The following RAPGEF1 variants were observed in gnomAD, a reference collection of about 807,000 sequenced individuals.
RAPGEF1 encodes the protein CRK SH3-binding GNRP.
In RAPGEF1, 33 loss-of-function variants were observed where a neutral mutation model predicts 143.3. That is an observed-to-expected ratio of 0.23 (90% confidence interval 0.17 to 0.31). The LOEUF (loss-of-function observed/expected upper bound fraction) is 0.31, where lower values mean the gene tolerates loss of function less well. RAPGEF1 is among the 10% of genes least tolerant of loss of function. RAPGEF1 has a pLI of 1.00. For synonymous variants in RAPGEF1, 629 were observed against 676.5 expected (o/e 0.93, Z 1.09); for missense variants, 1,199 against 1,645.4 (o/e 0.73, Z 4.69).
At position 131,582,702 on chromosome 9, in the gene RAPGEF1, C is replaced by T; in HGVS notation, c.3415G>A (p.Gly1139Ser). 1 of 1,560,202 alleles carries T rather than the reference C, an allele frequency of 6.4e-7. No homozygotes were observed. Among genetic ancestry groups the T allele is most frequent in the South Asian group, 1.2e-5 (1 of 82,940 alleles). ...ATCAGTGTGCAGTACTCGGCCAGGC[C>T]CTGGCAGGACAGGACAGGACAGGAC... is the stretch of plus-strand genomic sequence containing the variant. ...RLEWQKQTSE[G>S]LAEYCTLIDS... The change falls in exon 25 of 27, where the codon GGC becomes AGC. Residue 1139 changes from glycine to serine, a missense_variant and splice_region_variant. Physicochemically the swap from Gly to Ser is moderately conservative, Grantham distance 56. Coordinates refer to ENST00000683357, the MANE Select transcript of RAPGEF1 (RefSeq NM_001377935.1).
chr9:131,607,877 G>A (rs1957363585), intron 12 of RAPGEF1, among the ~76,000 whole-genome samples: 1 of 152,176 alleles, frequency 6.6e-6, no homozygotes, highest in Non-Finnish European at 1.5e-5. Context: ...ATACACAAAT[G>A]GCTTTTGTGT....
At chr9:131,681,036 T>C (rs1159132937) in intron 1 of RAPGEF1, among the ~76,000 whole-genome samples, 3 of 151,964 alleles carry the variant, frequency 2.0e-5, no homozygotes, top group African/African-American at 4.8e-5. Flanking sequence ...AGGGTAACAA[T>C]AGGACAAGTG....
At chr9:131,721,836 T>C (rs1184258590) in intron 1 of RAPGEF1, among the ~76,000 whole-genome samples, 2 of 152,176 alleles carry the variant, frequency 1.3e-5, no homozygotes, top group Non-Finnish European at 2.9e-5. Context: ...TTGTAAGTAA[T>C]CTAGAGATAA....
At chr9:131,718,371 C>T (rs1836013100) in intron 1 of RAPGEF1, among the ~76,000 whole-genome samples, 1 of 152,170 alleles carries the variant, frequency 6.6e-6, no homozygotes, top group South Asian at 2.1e-4. Context: ...CCCAGGCAAT[C>T]ATAAAGAGGA....
chr9:131,726,164 T>C (rs1020823834), intron 1 of RAPGEF1, among the ~76,000 whole-genome samples: 1 of 152,120 alleles, frequency 6.6e-6, no homozygotes, highest in Non-Finnish European at 1.5e-5. Flanking sequence ...GCAGTTATTA[T>C]GTCAATGCAA....
chr9:131,734,479 G>A (rs571281696), intron 1 of RAPGEF1, among the ~76,000 whole-genome samples: 2 of 152,208 alleles, frequency 1.3e-5, no homozygotes, highest in East Asian at 1.9e-4. Context: ...TCCCTGCCAC[G>A]AGGCATCACT....
intron 12 of RAPGEF1, among the ~76,000 whole-genome samples, chr9:131,611,908 C>T (rs758354028): frequency 4.2e-4 from 64 of 152,178 alleles, no homozygotes; most frequent in Admixed American, 2.0e-3. Context: ...GTTAATCTAA[C>T]GCTGTATTTT....
At chr9:131,698,059 T>C (rs1834326901) in intron 1 of RAPGEF1, among the ~76,000 whole-genome samples, 1 of 152,152 alleles carries the variant, frequency 6.6e-6, no homozygotes, top group African/African-American at 2.4e-5. Context: ...AGGGACCAGC[T>C]GAGAGCAGAG....
At chr9:131,657,600 T>C (rs540307372) in intron 1 of RAPGEF1, among the ~76,000 whole-genome samples, 98 of 127,400 alleles carry the variant, frequency 7.7e-4, no homozygotes, top group Non-Finnish European at 1.5e-3. Flanking sequence ...GTACCTGAAC[T>C]GTCTAACACG....
chr9:131,602,019 AC>A (rs1956352335), intron 15 of RAPGEF1, 41 bp downstream of exon 15: 1 of 1,486,628 alleles, frequency 6.7e-7, no homozygotes, highest in Admixed American at 2.0e-5. Context: ...GAGTGGGCGC[AC>A]TGCTCTCGGG....
chr9:131,719,691 T>C (rs932581936), intron 1 of RAPGEF1, among the ~76,000 whole-genome samples: 25 of 151,646 alleles, frequency 1.6e-4, no homozygotes, highest in Admixed American at 4.6e-4. Context: ...GTGGTTGCAT[T>C]AGATCCTCAC....
chr9:131,616,679 T>G (rs1039756485), intron 12 of RAPGEF1, among the ~76,000 whole-genome samples: 9 of 152,196 alleles, frequency 5.9e-5, no homozygotes, highest in African/African-American at 2.2e-4. Flanking sequence ...ACTGCTGTGT[T>G]TCCAAGGGGC....
chr9:131,689,186 A>AT lies in RAPGEF1; in HGVS notation c.62-38238dup, dbSNP rs558375710. On this transcript the variant is annotated intron_variant, in intron 1 of 26. Coordinates refer to ENST00000683357, the MANE Select transcript of RAPGEF1 (RefSeq NM_001377935.1). ...TAACTTCTGTTTCTTTGATTCTGTG[A>AT]TTTTTTTTATACCTGTCTTGTTTGT... Among the ~76,000 whole-genome samples, 232 of 152,224 alleles carry AT rather than the reference A, an allele frequency of 1.5e-3. 1 individual carries two copies. The highest frequency in any genetic ancestry group is 3.4e-3 in the Middle Eastern group (1 of 294).
At chr9:131,724,298 G>C (rs551301384) in intron 1 of RAPGEF1, among the ~76,000 whole-genome samples, 1 of 152,180 alleles carries the variant, frequency 6.6e-6, no homozygotes, top group East Asian at 1.9e-4. Flanking sequence ...AGGGTTCATG[G>C]GAAAAAAGTC....
At chr9:131,698,713 G>C (rs995208598) in intron 1 of RAPGEF1, among the ~76,000 whole-genome samples, 1 of 152,172 alleles carries the variant, frequency 6.6e-6, no homozygotes, top group African/African-American at 2.4e-5. Flanking sequence ...GGGGCCTCAG[G>C]GCTGCCCCCC....
chr9:131,626,031 C>A lies in RAPGEF1; in HGVS notation c.1593G>T (p.Gln531His). Residue 531 changes from glutamine to histidine, a missense_variant, in exon 10 of 27, where the codon CAG becomes CAT. Coordinates refer to ENST00000683357, the MANE Select transcript of RAPGEF1 (RefSeq NM_001377935.1). Reference sequence around the variant, plus strand: ...CGACAGGGGCTGAGGAACCTCCATGCTGAAAGGGCAGAATAGCAGCAAAGG... The same window carrying A: ...CGACAGGGGCTGAGGAACCTCCATGATGAAAGGGCAGAATAGCAGCAAAGG... ...YAPFAAILPF[Q>H]HGGSSAPVEF... The A allele has an allele frequency of 6.2e-7, 1 of 1,612,490 alleles. No homozygotes were observed. The highest frequency in any genetic ancestry group is 8.5e-7 in the Non-Finnish European group (1 of 1,178,630).
intron 1 of RAPGEF1, among the ~76,000 whole-genome samples, chr9:131,722,425 T>C (rs553761170): frequency 6.6e-6 from 1 of 152,048 alleles, no homozygotes; most frequent in Non-Finnish European, 1.5e-5. Flanking sequence ...TCAGAGAGAG[T>C]AAGTGCTGCT....
At chr9:131,739,341 A>C (rs1409365856) in intron 1 of RAPGEF1, among the ~76,000 whole-genome samples, 1 of 152,184 alleles carries the variant, frequency 6.6e-6, no homozygotes, top group East Asian at 1.9e-4. Context: ...GTTAAACTCG[A>C]AGCTCGTTAG....
chr9:131,625,716 A>T (rs1962791094), intron 10 of RAPGEF1, among the ~76,000 whole-genome samples: 1 of 152,184 alleles, frequency 6.6e-6, no homozygotes, highest in African/African-American at 2.4e-5. Context: ...TAGAAACTGT[A>T]AAGGAGAGGT....
Sources: allele counts gnomAD v4.1 joint callset (sites outside exome capture counted in the v4.1 genomes callset), GRCh38; gene constraint gnomAD v4.1.1; transcripts MANE v1.5; gene names NCBI Gene and HGNC (gene_info 2026-07-23, HGNC 2026-07-21).